Variants in IQCM observed in about 807,000 individuals in gnomAD.
IQCM encodes IQ domain-containing protein M.
Under a neutral mutation model 57.6 loss-of-function variants are expected in IQCM, and 45 were observed. That is an observed-to-expected ratio of 0.78 (90% confidence interval 0.62 to 1.00). IQCM has a LOEUF of 1.00. Among genes scored for constraint, IQCM ranks in the 50% least tolerant of loss-of-function variants. The probability of loss-of-function intolerance (pLI) is 0.00; values close to 1 mark genes in which losing one functional copy is unlikely to be tolerated. For synonymous variants in IQCM, 148 were observed against 158.9 expected (o/e 0.93, Z 0.51); for missense variants, 468 against 511.6 (o/e 0.91, Z 0.82).
chr4:149,475,351 T>G (rs543135257), intron 12 of IQCM, among the ~76,000 whole-genome samples: 9 of 152,174 alleles, frequency 5.9e-5, no homozygotes, highest in African/African-American at 2.2e-4. Context: ...TTAACTAAGA[T>G]GGGTAAGAAT....
At chr4:149,597,245 T>TA (rs920844380) in intron 8 of IQCM, among the ~76,000 whole-genome samples, 2 of 151,816 alleles carry the variant, frequency 1.3e-5, no homozygotes, top group Non-Finnish European at 2.9e-5. Context: ...CTATGAGGGA[T>TA]AAAAAAACAC....
intron 12 of IQCM, among the ~76,000 whole-genome samples, chr4:149,438,360 C>A (rs1273148813): frequency 6.6e-6 from 1 of 151,924 alleles, no homozygotes; most frequent in East Asian, 1.9e-4. Flanking sequence ...GAATGATATT[C>A]ATTAAATTGC....
chr4:149,721,381 AC>A (rs903542679), intron 5 of IQCM, among the ~76,000 whole-genome samples: 1 of 152,014 alleles, frequency 6.6e-6, no homozygotes, highest in African/African-American at 2.4e-5. Context: ...ATTTTAGTGT[AC>A]CCATCACCCA....
intron 7 of IQCM, among the ~76,000 whole-genome samples, chr4:149,628,740 T>G (rs1360884841): frequency 6.6e-6 from 1 of 152,140 alleles, no homozygotes; most frequent in African/African-American, 2.4e-5. Flanking sequence ...ACAAGTATAT[T>G]CGGCAAAATT....
chr4:149,499,831 T>G (rs528308647), intron 12 of IQCM, among the ~76,000 whole-genome samples: 5 of 152,182 alleles, frequency 3.3e-5, no homozygotes, highest in Non-Finnish European at 5.9e-5. Flanking sequence ...GAAAGTCAGT[T>G]GTGATTACTT....
chr4:149,516,732 C>G (rs1397511457), intron 12 of IQCM, among the ~76,000 whole-genome samples: 1 of 151,990 alleles, frequency 6.6e-6, no homozygotes, highest in Non-Finnish European at 1.5e-5. Flanking sequence ...ATTTTTGCTT[C>G]CTGTTCCTGT....
At chr4:149,471,136 G>A (rs973320787) in intron 12 of IQCM, among the ~76,000 whole-genome samples, 7 of 152,080 alleles carry the variant, frequency 4.6e-5, no homozygotes, top group Non-Finnish European at 1.0e-4. Context: ...AACTGAAGGA[G>A]ATAGAGACCC....
chr4:149,662,314 T>C (rs1760295959), intron 7 of IQCM, among the ~76,000 whole-genome samples: 1 of 152,086 alleles, frequency 6.6e-6, no homozygotes, highest in African/African-American at 2.4e-5. Flanking sequence ...CTTGATGTAA[T>C]TCCTATCTTC....
intron 12 of IQCM, among the ~76,000 whole-genome samples, chr4:149,527,489 G>T (rs1281189381): frequency 6.6e-6 from 1 of 152,226 alleles, no homozygotes; most frequent in African/African-American, 2.4e-5. Flanking sequence ...AAGTCAGGAA[G>T]AGAGTCCTCA....
chr4:149,485,008 C>G (rs1251991636), intron 12 of IQCM, among the ~76,000 whole-genome samples: 1 of 151,992 alleles, frequency 6.6e-6, no homozygotes, highest in Non-Finnish European at 1.5e-5. Flanking sequence ...TTCTTTCTAA[C>G]TTTAGCACTT....
chr4:149,741,262 C>T (rs1767429969), intron 3 of IQCM, among the ~76,000 whole-genome samples: 1 of 152,114 alleles, frequency 6.6e-6, no homozygotes, highest in South Asian at 2.1e-4. Flanking sequence ...CTCTGGTCTT[C>T]TTTAACAAAG....
chr4:149,593,188 A>G (rs1192200598), intron 8 of IQCM, among the ~76,000 whole-genome samples: 1 of 151,912 alleles, frequency 6.6e-6, no homozygotes, highest in Non-Finnish European at 1.5e-5. Flanking sequence ...TTGTAATTGG[A>G]TTCCTAGGTA....
chr4:149,435,414 G>T (rs766393068), intron 12 of IQCM, among the ~76,000 whole-genome samples: 72 of 152,030 alleles, frequency 4.7e-4, no homozygotes, highest in Non-Finnish European at 1.5e-4. Context: ...TTATGATGAT[G>T]CTGGTGTAAA....
intron 12 of IQCM, among the ~76,000 whole-genome samples, chr4:149,534,363 A>G (rs1747067445): frequency 6.6e-6 from 1 of 152,154 alleles, no homozygotes; most frequent in Non-Finnish European, 1.5e-5. Flanking sequence ...ATCTGCCTTT[A>G]TTATAGGAAG....
chr4:149,391,083 C>A (rs1001153275), intron 13 of IQCM, among the ~76,000 whole-genome samples: 4 of 151,830 alleles, frequency 2.6e-5, no homozygotes, highest in Non-Finnish European at 5.9e-5. Context: ...ATTAATTCTT[C>A]TTTAAATGTC....
chr4:149,420,620 A>C (rs1257089003), intron 13 of IQCM, among the ~76,000 whole-genome samples: 1 of 152,040 alleles, frequency 6.6e-6, no homozygotes, highest in Non-Finnish European at 1.5e-5. Context: ...CTGCACATGG[A>C]CCCCAGAACT....
chr4:149,524,203 T>G (rs1214227143), intron 12 of IQCM, among the ~76,000 whole-genome samples: 1 of 152,124 alleles, frequency 6.6e-6, no homozygotes, highest in Non-Finnish European at 1.5e-5. Flanking sequence ...AGTTGACAAA[T>G]TATTCTATGG....
intron 5 of IQCM, among the ~76,000 whole-genome samples, chr4:149,696,696 G>C (rs1360787086): frequency 6.6e-6 from 1 of 152,130 alleles, no homozygotes; most frequent in African/African-American, 2.4e-5. Flanking sequence ...GAGTTAGCCA[G>C]AGCAGTTCTG....
intron 9 of IQCM, among the ~76,000 whole-genome samples, chr4:149,576,435 C>T (rs986361843): frequency 6.6e-6 from 1 of 151,774 alleles, no homozygotes; most frequent in African/African-American, 2.4e-5. Context: ...TTTTTGGTTA[C>T]ATGGATGAAT....
Sources: allele counts gnomAD v4.1 joint callset (sites outside exome capture counted in the v4.1 genomes callset), GRCh38; gene constraint gnomAD v4.1.1; transcripts MANE v1.5; gene names NCBI Gene and HGNC (gene_info 2026-07-23, HGNC 2026-07-21).